The following ANKRD24 variants were observed in gnomAD, a reference collection of about 807,000 sequenced individuals.
ANKRD24 encodes the protein ankyrin repeat domain-containing protein 24.
ANKRD24 carries 109 observed loss-of-function variants against 127.8 expected under a neutral mutation model. That is an observed-to-expected ratio of 0.85 (90% confidence interval 0.73 to 1.00). The LOEUF (loss-of-function observed/expected upper bound fraction) is 1.00, where lower values mean the gene tolerates loss of function less well. Ranked by LOEUF, ANKRD24 falls within the 50% of genes least tolerant of loss-of-function variation. ANKRD24 has a pLI of 0.00. For missense variants in ANKRD24, 1,648 were observed against 1,570.2 expected (o/e 1.05, Z -0.84); for synonymous variants, 743 against 671.1 (o/e 1.11, Z -1.66).
rs747332164 is a variant in ANKRD24, at chr19:4,208,813, T to A, written c.870+12T>A. ...AGGCGTCATCTCAGGTATGGACCCC[T>A]AAGCAGTGAAGGAGCCCCTCCTCCC... On this transcript the variant is annotated intron_variant, in intron 11 of 21. Coordinates refer to ENST00000318934, the MANE Select transcript of ANKRD24 (RefSeq NM_001393985.1). 2.0e-5 allele frequency: 33 copies of A among 1,612,262 alleles called. No homozygotes were observed. The highest frequency in any genetic ancestry group is 2.8e-5 in the Non-Finnish European group (33 of 1,179,068).
At chr19:4,210,840 G>C (rs1969693768) in intron 13 of ANKRD24, among the ~76,000 whole-genome samples, 1 of 102,584 alleles carries the variant, frequency 9.7e-6, no homozygotes, top group African/African-American at 3.6e-5. Context: ...TTTTGGTTTT[G>C]TTTTGTTTTT....
intron 7 of ANKRD24, among the ~76,000 whole-genome samples, chr19:4,205,349 C>T (rs1969325874): frequency 6.6e-6 from 1 of 152,214 alleles, no homozygotes. Flanking sequence ...CTCATACTGC[C>T]TCAGACATAC....
At position 4,191,631 on chromosome 19, in the gene ANKRD24, G is replaced by A. The variant is rs187628931; in HGVS notation, c.36+5170G>A. On this transcript the variant is annotated intron_variant, in intron 2 of 21. Transcript: ENST00000318934. ...CGTGTAGCTGGGATTACAGGTGCAC[G>A]CCACCACACCTGGCTAATTTTTGTG... Among the ~76,000 whole-genome samples, 648 of 140,128 alleles carry A rather than the reference G, an allele frequency of 4.6e-3. 7 individuals are homozygous for A. Among genetic ancestry groups the A allele is most frequent in the African/African-American group, 0.017 (624 of 37,300 alleles). The allele number at this position is 140,128 out of a possible 152,430, so 91.9% of individuals were successfully genotyped here.
chr19:4,202,380 C>T (rs939970015), intron 6 of ANKRD24, among the ~76,000 whole-genome samples: 11 of 152,030 alleles, frequency 7.2e-5, no homozygotes, highest in African/African-American at 2.7e-4. Context: ...ACCAGCCTGG[C>T]CAACACAGTG....
intron 5 of ANKRD24, among the ~76,000 whole-genome samples, chr19:4,200,746 T>G (rs776743207): frequency 3.3e-4 from 50 of 152,240 alleles, no homozygotes; most frequent in Non-Finnish European, 6.8e-4. Context: ...GGTCTTGAAC[T>G]CCTGGGCTCT....
chr19:4,218,942 A>AT (rs769105701), intron 18 of ANKRD24, among the ~76,000 whole-genome samples: 2 of 151,774 alleles, frequency 1.3e-5, no homozygotes, highest in Non-Finnish European at 2.9e-5. Flanking sequence ...TAACTTTTTA[A>AT]TTTTTTGTAA....
Position 4,207,223 on chromosome 19 carries a change from A to C in ANKRD24, c.467-19A>C. The C allele has an allele frequency of 1.2e-6, 2 of 1,612,652 alleles. No individual in the cohort carries two copies. Among genetic ancestry groups the C allele is most frequent in the South Asian group, 2.2e-5 (2 of 91,004 alleles). ...ACAGGGTTGAGCTACCGCACCGGAC[A>C]ACCTTTTCTCTTTTGCAGCGGCTGG... is the stretch of plus-strand genomic sequence containing the variant. On this transcript the variant is annotated intron_variant, in intron 7 of 21. Coordinates refer to ENST00000318934, the MANE Select transcript of ANKRD24 (RefSeq NM_001393985.1).
chr19:4,199,717 C>G lies in ANKRD24; in HGVS notation c.71C>G (p.Pro24Arg), dbSNP rs774444889. ...RLSPTDLGSC[P>R]PCGPCPIPKP... ...AGCCCCACTGACCTTGGCTCCTGCC[C>G]GCCCTGCGGCCCCTGCCCCATCCCG... Residue 24 changes from proline (P) to arginine (R), a missense_variant, in exon 3 of 22, where the codon CCG (proline) becomes CGG (arginine). Transcript: ENST00000318934. This position sits in a 1 kb window ranked among gnomAD's most constrained non-coding sequence, Gnocchi z 5.2. 3.3e-6 allele frequency: 5 copies of G among 1,538,368 alleles called. No individual in the cohort carries two copies. The highest frequency in any genetic ancestry group is 4.4e-6 in the Non-Finnish European group (5 of 1,145,022).
chr19:4,212,457 C>G lies in ANKRD24; in HGVS notation c.1060-18C>G, dbSNP rs3745987. 3.2e-6 allele frequency: 5 copies of G among 1,574,242 alleles called. No individual in the cohort carries two copies. Among genetic ancestry groups the G allele is most frequent in the Non-Finnish European group, 4.3e-6 (5 of 1,162,028 alleles). On this transcript the variant is annotated intron_variant, in intron 13 of 21. Coordinates refer to ENST00000318934, the MANE Select transcript of ANKRD24 (RefSeq NM_001393985.1). ...CTCTTGCCCAGATCCAAACCCCTGT[C>G]CCTGTTTCTCCCGTCAGTCCCCGGA...
At position 4,217,189 on chromosome 19, in the gene ANKRD24, T is replaced by TC. The variant is rs1568340921; in HGVS notation, c.2030dup (p.Arg678Ter). On this transcript the variant is annotated frameshift_variant, in exon 18 of 22. Transcript: ENST00000318934. LOFTEE classifies it high-confidence loss of function. ...GACCACAAACATGGAGGCCACGGGC[T>TC]CTAGGGCCACAGGGATGGAATCCAC... 1.2e-6 allele frequency: 2 copies of TC among 1,609,644 alleles called. No homozygotes were observed.
chr19:4,223,180 G>A (rs563114667), intron 20 of ANKRD24, among the ~76,000 whole-genome samples: 2 of 151,416 alleles, frequency 1.3e-5, no homozygotes, highest in African/African-American at 2.4e-5. Flanking sequence ...TCCTGGGCTC[G>A]CATAAGCCTC....
At chr19:4,194,180 C>T (rs1052712312) in intron 2 of ANKRD24, among the ~76,000 whole-genome samples, 6 of 152,032 alleles carry the variant, frequency 3.9e-5, no homozygotes, top group Non-Finnish European at 7.4e-5. Context: ...TGTTTTGTTC[C>T]GAGATGGAGT....
At chr19:4,208,281 A>T (rs1454864796) in intron 10 of ANKRD24, among the ~76,000 whole-genome samples, 2 of 152,036 alleles carry the variant, frequency 1.3e-5, no homozygotes, top group Admixed American at 6.5e-5. Flanking sequence ...AGGTGGGCGA[A>T]TCACTTGAGG....
In ANKRD24 at chr19:4,195,308, AGG is replaced by A. The variant is rs1210004769; in HGVS notation, c.37-4374_37-4373del. Among the ~76,000 whole-genome samples, 1 of 151,594 alleles carries A rather than the reference AGG, an allele frequency of 6.6e-6. No homozygotes were observed. Among genetic ancestry groups the A allele is most frequent in the Non-Finnish European group, 1.5e-5 (1 of 67,922 alleles). On this transcript the variant is annotated intron_variant, in intron 2 of 21. Transcript: ENST00000318934. The surrounding 1 kb of genome is among the most constrained non-coding windows in gnomAD (Gnocchi z 4.2). ...AGGCTGGTCTCGAACTCCCCATCTC[AGG>A]TGATCTGCCTGCCTCAGCCTCCCAA...
At chr19:4,204,653 C>T (rs994722573) in intron 7 of ANKRD24, among the ~76,000 whole-genome samples, 3 of 152,166 alleles carry the variant, frequency 2.0e-5, no homozygotes, top group Admixed American at 6.5e-5. Flanking sequence ...CCGCTGTCCC[C>T]GTGAAATTCA....
At position 4,200,186 on chromosome 19, in the gene ANKRD24, GC is replaced by G. The variant is rs1969021357; in HGVS notation, c.343+19del. 4.4e-6 allele frequency: 7 copies of G among 1,582,628 alleles called. No individual in the cohort carries two copies. The highest frequency in any genetic ancestry group is 1.3e-5 in the African/African-American group (1 of 74,362). Reference sequence around the variant, plus strand: ...GGACGGGGCAGGTACTGCCAGCTGGGCCCCGGGGAGGGAGGAGGAACTAAGC... The same window carrying G: ...GGACGGGGCAGGTACTGCCAGCTGGGCCCGGGGAGGGAGGAGGAACTAAGC... On this transcript the variant is annotated intron_variant, in intron 5 of 21. Coordinates refer to ENST00000318934, the MANE Select transcript of ANKRD24 (RefSeq NM_001393985.1).
At chr19:4,212,339 G>A (rs558820244) in intron 13 of ANKRD24, 136 bp from the exon 14 acceptor site, 33 of 988,026 alleles carry the variant, frequency 3.3e-5, no homozygotes, top group South Asian at 1.4e-4. Flanking sequence ...ATGAGTGAGC[G>A]GGCAGAATTC....
chr19:4,203,806 C>T (rs1006702299), intron 7 of ANKRD24, among the ~76,000 whole-genome samples: 2 of 151,816 alleles, frequency 1.3e-5, no homozygotes, highest in African/African-American at 4.8e-5. Flanking sequence ...GCCACAACAC[C>T]CACCTAAAAT....
chr19:4,183,453 C>G (rs1314917069), intron 1 of ANKRD24: 1 of 636,372 alleles, frequency 1.6e-6, no homozygotes, highest in Non-Finnish European at 2.0e-6. Flanking sequence ...CTGGTGGCTG[C>G]GGGTGGACAC....
Sources: gnomAD v4.1 joint callset for allele counts (sites outside exome capture counted in the v4.1 genomes callset) on GRCh38, gnomAD v4.1.1 for gene constraint, Gnocchi (gnomAD v3.1) non-coding constraint, MANE v1.5 for transcripts, NCBI Gene and HGNC (gene_info 2026-07-23, HGNC 2026-07-21) for gene names.